POM121: variants seen among roughly 807,000 people sequenced by gnomAD.
The protein encoded by POM121 is nuclear envelope pore membrane protein POM 121.
Under a neutral mutation model 81.3 loss-of-function variants are expected in POM121, and 32 were observed. The observed-to-expected ratio is 0.39, with a 90% CI of 0.30 to 0.53. The LOEUF (loss-of-function observed/expected upper bound fraction) is 0.53, where lower values mean the gene tolerates loss of function less well. POM121 is among the 20% of genes least tolerant of loss of function. The pLI is 0.66. For synonymous variants in POM121, 514 were observed against 694.2 expected (o/e 0.74, Z 4.08); for missense variants, 1,138 against 1,614.6 (o/e 0.70, Z 5.06).
At position 72,943,555 on chromosome 7, in the gene POM121, C is replaced by A. The variant is rs782755694; in HGVS notation, c.3529+33C>A. ...GGGGCGTGGACTTGGGCTACCGGGC[C>A]GGACACTGAAAAGCTGTGCCTGCGA... is the stretch of plus-strand genomic sequence containing the variant. On this transcript the variant is annotated intron_variant, in intron 11 of 12. Coordinates refer to ENST00000434423, the MANE Select transcript of POM121 (RefSeq NM_001387691.1). 11 of 1,596,726 alleles carry A rather than the reference C, an allele frequency of 6.9e-6. 1 individual carries two copies. Among genetic ancestry groups the A allele is most frequent in the South Asian group, 1.1e-5 (1 of 88,286 alleles).
In POM121 at chr7:72,945,539, C is replaced by T. The variant is rs781856688; in HGVS notation, c.3530-47C>T. 5 of 1,610,288 alleles carry T rather than the reference C, an allele frequency of 3.1e-6. No homozygotes were observed. The South Asian group carries it at 4.4e-5, about 14-fold the overall frequency. ...AGGCTCCTGCCCGGCTCCTCGCTTG[C>T]CTCTGCCCTCTGCTCACTGGCCAGC... On this transcript the variant is annotated intron_variant, in intron 11 of 12. Transcript: ENST00000434423.
intron 3 of POM121, among the ~76,000 whole-genome samples, chr7:72,896,508 T>C (rs1202355679): frequency 7.2e-6 from 1 of 138,832 alleles, no homozygotes; most frequent in Non-Finnish European, 1.5e-5. Context: ...AAAAGTTAAA[T>C]TAGCTGGGCA....
intron 5 of POM121, 22 bp from the exon 6 acceptor site, chr7:72,938,568 T>G (rs1376724464): frequency 6.2e-7 from 1 of 1,610,388 alleles, no homozygotes; most frequent in Non-Finnish European, 8.5e-7. Context: ...GCAGGCTCAG[T>G]CATGTCCCTC....
At chr7:72,920,822 C>T (rs1794752906), upstream of POM121, among the ~76,000 whole-genome samples, 1 of 152,084 alleles carries the variant, frequency 6.6e-6, no homozygotes, top group Non-Finnish European at 1.5e-5. Flanking sequence ...TTGAGTACTC[C>T]ACACAGAGCC....
At chr7:72,912,557 A>T (rs868916127) in intron 3 of POM121, among the ~76,000 whole-genome samples, 35 of 152,098 alleles carry the variant, frequency 2.3e-4, no homozygotes, top group Non-Finnish European at 4.6e-4. Context: ...CAGGTGGATC[A>T]TGAAGTCAGG....
rs782525761 is a variant in POM121, at chr7:72,942,747, T to C, written c.2754T>C (p.Phe918=). 9.9e-6 allele frequency: 14 copies of C among 1,409,708 alleles called. No individual in the cohort carries two copies. Among genetic ancestry groups the C allele is most frequent in the African/African-American group, 9.1e-5 (6 of 65,784 alleles). The allele number at this position is 1,409,708 out of a possible 1,614,324, so 87.3% of individuals were successfully genotyped here. A position where few individuals can be genotyped will look rare whatever the true frequency, so the allele number is the denominator to read the frequency against. ...CCACCAGCAGCAGCGCTGCCGACTT[T>C]AGTGGTTTTGGCAGCACCCTCGCCA... is the stretch of plus-strand genomic sequence containing the variant. The part of the protein sequence containing the change: ...PTATSSSAAD[F]SGFGSTLATS... The change falls in exon 11 of 13, where the codon TTT becomes TTC. Residue 918 remains phenylalanine, a synonymous_variant. Transcript: ENST00000434423.
Position 72,925,512 on chromosome 7 carries a change from C to A in POM121, c.391C>A (p.Pro131Thr). 6.5e-7 allele frequency: 1 copy of A among 1,533,576 alleles called. No homozygotes were observed. Among genetic ancestry groups the A allele is most frequent in the African/African-American group, 1.4e-5 (1 of 73,066 alleles). The allele number at this position is 1,533,576 out of a possible 1,614,324, so 95.0% of individuals were successfully genotyped here. The change falls in exon 1 of 13, where the codon CCT (proline) becomes ACT (threonine). Residue 131 changes from proline to threonine, a missense_variant. Transcript: ENST00000434423. ...EPRTLLEGPD[P>T]AELLLMGSYL... Reference sequence around the variant, plus strand: ...GCGGACCCTGCTCGAAGGACCTGACCCTGCGGAACTGCTACTCATGGGCAG... The same window carrying A: ...GCGGACCCTGCTCGAAGGACCTGACACTGCGGAACTGCTACTCATGGGCAG...
chr7:72,894,633 G>GAGAGAA (rs1791700117), intron 3 of POM121, among the ~76,000 whole-genome samples: 1 of 38,562 alleles, frequency 2.6e-5, no homozygotes, highest in African/African-American at 6.2e-5. Context: ...AGAGGAGAGA[G>GAGAGAA]AGAGAGAGAG....
chr7:72,898,980 T>C (rs1284040617), intron 3 of POM121, among the ~76,000 whole-genome samples: 12 of 2,372 alleles, frequency 5.1e-3, no homozygotes, highest in Admixed American at 0.035. Flanking sequence ...TTTTCTTTTC[T>C]TTTTTTTTTT....
chr7:72,938,731 G>A (rs1554500050), intron 6 of POM121, 50 bp downstream of exon 6: 4 of 1,590,794 alleles, frequency 2.5e-6, no homozygotes, highest in Non-Finnish European at 3.5e-6. Flanking sequence ...ACAGGCGGGG[G>A]TGAGGAAAGG....
chr7:72,925,256 A>T lies in POM121; in HGVS notation c.135A>T (p.Leu45Phe). Residue 45 changes from leucine (L) to phenylalanine (F), a missense_variant, in exon 1 of 13, where the codon TTA (leucine) becomes TTT (phenylalanine). Physicochemically the swap from Leu to Phe is conservative, Grantham distance 22. Transcript: ENST00000434423. ...VLLGLSLVGL[L>F]LYLVPAAAAL... ...TGGGCCTGTCGCTGGTTGGCCTCTT[A>T]CTGTACCTCGTGCCGGCTGCGGCTG... 1.3e-6 allele frequency: 2 copies of T among 1,534,240 alleles called. No homozygotes were observed. Among genetic ancestry groups the T allele is most frequent in the Non-Finnish European group, 1.7e-6 (2 of 1,146,274 alleles).
chr7:72,918,028 A>G (rs1277795609), intron 4 of POM121, among the ~76,000 whole-genome samples: 1 of 152,214 alleles, frequency 6.6e-6, no homozygotes, highest in Non-Finnish European at 1.5e-5. Context: ...ATTTCTGCAT[A>G]TCAGAGACTT....
intron 5 of POM121, among the ~76,000 whole-genome samples, chr7:72,933,389 G>C (rs1796213923): frequency 6.6e-6 from 1 of 152,144 alleles, no homozygotes; most frequent in Non-Finnish European, 1.5e-5. Flanking sequence ...TCTCTTATGA[G>C]TAGTTTGATC....
chr7:72,882,120 T>C (rs1790217232), intron 1 of POM121, among the ~76,000 whole-genome samples: 1 of 152,224 alleles, frequency 6.6e-6, no homozygotes. Context: ...AAATGCCATC[T>C]GTATTAGTCC....
Position 72,943,430 on chromosome 7 carries a change from G to C in POM121, c.3437G>C (p.Gly1146Ala), listed in dbSNP as rs782675230. Reference sequence around the variant, plus strand: ...GCCACCTCCACCCCCTTCGCAGGGGGCTTAGGTCAGAACGCCCTGGGCACC... The same window carrying C: ...GCCACCTCCACCCCCTTCGCAGGGGCCTTAGGTCAGAACGCCCTGGGCACC... ...STATSTPFAG[G>A]LGQNALGTTG... is the part of the protein sequence containing the mutation. The change falls in exon 11 of 13, where the codon GGC becomes GCC. Residue 1146 changes from glycine (G) to alanine (A), a missense_variant. This residue lies in a region of POM121 where 336 missense variants were observed against 344.3 expected (regional missense o/e 0.98). Transcript: ENST00000434423. The C allele has an allele frequency of 1.2e-6, 2 of 1,612,818 alleles. No homozygotes were observed. Among genetic ancestry groups the C allele is most frequent in the African/African-American group, 1.3e-5 (1 of 74,900 alleles).
intron 1 of POM121, among the ~76,000 whole-genome samples, chr7:72,886,448 A>G (rs1375991277): frequency 6.6e-6 from 1 of 152,238 alleles, no homozygotes; most frequent in Non-Finnish European, 1.5e-5. Context: ...TGCTGGGATT[A>G]CAAGTGTGAG....
At chr7:72,911,390 ATTG>A (rs1554494258) in intron 3 of POM121, among the ~76,000 whole-genome samples, 2 of 152,170 alleles carry the variant, frequency 1.3e-5, no homozygotes, top group Non-Finnish European at 1.5e-5. Context: ...GGCATTGAAA[ATTG>A]TTGTCTTGAT....
At chr7:72,936,523 C>CA (rs1489229034) in intron 5 of POM121, among the ~76,000 whole-genome samples, 1 of 152,202 alleles carries the variant, frequency 6.6e-6, no homozygotes, top group Non-Finnish European at 1.5e-5. Context: ...GTGATCCGCC[C>CA]ACCTTGGCCT....
Position 72,943,446 on chromosome 7 carries a change from C to T in POM121, c.3453C>T (p.Ala1151=), listed in dbSNP as rs1554502460. The change falls in exon 11 of 13, where the codon GCC becomes GCT. Residue 1151 remains alanine (A), a synonymous_variant. Transcript: ENST00000434423. The stretch of plus-strand genomic sequence containing the variant: ...TCGCAGGGGGCTTAGGTCAGAACGC[C>T]CTGGGCACCACCGGCCAGAGCACAC... ...TPFAGGLGQN[A]LGTTGQSTPF... 9 of 1,612,832 alleles carry T rather than the reference C, an allele frequency of 5.6e-6. No homozygotes were observed. The African/African-American group carries it at 9.3e-5, about 17-fold the overall frequency.
Sources: allele counts gnomAD v4.1 joint callset (sites outside exome capture counted in the v4.1 genomes callset), GRCh38; gene constraint gnomAD v4.1.1; regional missense constraint gnomAD v4.1.1; transcripts MANE v1.5; gene names NCBI Gene and HGNC (gene_info 2026-07-23, HGNC 2026-07-21).